POU2F2: variants seen among roughly 807,000 people sequenced by gnomAD.
The protein encoded by POU2F2 is POU class 2 homeobox 2.
Under a neutral mutation model 63.5 loss-of-function variants are expected in POU2F2, and 14 were observed. The observed-to-expected ratio is 0.22, with a 90% CI of 0.15 to 0.34. POU2F2 has a LOEUF of 0.34. POU2F2 is among the 10% of genes least tolerant of loss of function. The pLI is 1.00. For synonymous variants in POU2F2, 306 were observed against 348.6 expected (o/e 0.88, Z 1.36); for missense variants, 607 against 815.2 (o/e 0.74, Z 3.11).
At chr19:42,158,329 G>A (rs545268035) in intron 2 of POU2F2, among the ~76,000 whole-genome samples, 13 of 152,176 alleles carry the variant, frequency 8.5e-5, no homozygotes, top group Non-Finnish European at 1.6e-4. Context: ...GGTGGTCTCC[G>A]AAATCAAATT....
intron 5 of POU2F2, among the ~76,000 whole-genome samples, chr19:42,105,999 T>TTTTCTTTCTTTC (rs56400477): frequency 0.059 from 7,845 of 132,208 alleles, 275 homozygotes; most frequent in East Asian, 0.082. Flanking sequence ...GATCTTTCTT[T>TTTTCTTTCTTTC]TTTCTTTCTT....
chr19:42,133,631 CACACACACGTGT>C (rs1413897476), upstream of POU2F2: 1 of 154,656 alleles, frequency 6.5e-6, no homozygotes, highest in Non-Finnish European at 1.5e-5. The surrounding 1 kb of genome is among the most constrained non-coding windows in gnomAD (Gnocchi z 5.1). Flanking sequence ...GCACTTCACA[CACACACACGTGT>C]GCACACACAC....
chr19:42,152,371 G>C lies in POU2F2; in HGVS notation c.-9+7961C>G, dbSNP rs2034370102. ...CACACATGCCCCCACAGCCTGCCAAGAAGGCCCCAGATGGGCCGAGGACTA... is the reference window on the plus strand; with the variant it reads ...CACACATGCCCCCACAGCCTGCCAACAAGGCCCCAGATGGGCCGAGGACTA... On this transcript the variant is annotated intron_variant, in intron 2 of 6. Transcript: ENST00000524801. This position sits in a 1 kb window ranked among gnomAD's most constrained non-coding sequence, Gnocchi z 4.1. Among the ~76,000 whole-genome samples, 1 of 152,054 alleles carries C rather than the reference G, an allele frequency of 6.6e-6. No individual in the cohort carries two copies. Among genetic ancestry groups the C allele is most frequent in the South Asian group, 2.1e-4 (1 of 4,822 alleles).
chr19:42,187,767 A>C (rs1164636183), intron 1 of POU2F2, among the ~76,000 whole-genome samples: 1 of 151,472 alleles, frequency 6.6e-6, no homozygotes, highest in Non-Finnish European at 1.5e-5. Context: ...ATCACAAAAA[A>C]AAAAAAAAAA....
rs563700180 is a variant in POU2F2, at chr19:42,095,152, C to T, written c.1197+134G>A. On this transcript the variant is annotated intron_variant, in intron 11 of 14. Transcript: ENST00000692977. This position sits in a 1 kb window ranked among gnomAD's most constrained non-coding sequence, Gnocchi z 7.1. ...GTCCCTGTGTAACTGTGCCCATCTA[C>T]GTGATGGCCTGTCTCCAAGAGTGAC... is the stretch of plus-strand genomic sequence containing the variant. 174 of 1,164,152 alleles carry T rather than the reference C, an allele frequency of 1.5e-4. No individual in the cohort carries two copies. The South Asian group carries it at 1.6e-3, about 11-fold the overall frequency. 72.1% of individuals were successfully genotyped at this position (1,164,152 alleles called of 1,614,324 possible).
At chr19:42,099,222 T>G in intron 7 of POU2F2, 2 of 324,364 alleles carry the variant, frequency 6.2e-6, no homozygotes, top group South Asian at 8.5e-5. Flanking sequence ...TTTTGTGTGT[T>G]TTTACACATG....
At chr19:42,108,058 G>C (rs984996897) in intron 5 of POU2F2, among the ~76,000 whole-genome samples, 1 of 152,324 alleles carries the variant, frequency 6.6e-6, no homozygotes, top group African/African-American at 2.4e-5. Flanking sequence ...TCCCTAGAGA[G>C]GCCTTCTCTG....
At chr19:42,138,489 A>G (rs991964361) in intron 2 of POU2F2, among the ~76,000 whole-genome samples, 1 of 152,052 alleles carries the variant, frequency 6.6e-6, no homozygotes, top group Non-Finnish European at 1.5e-5. Context: ...GTTTGTCCTC[A>G]AGTTCCTTTG....
Position 42,096,001 on chromosome 19 carries a change from C to G in POU2F2, c.730-72G>C, listed in dbSNP as rs2076908012. The G allele has an allele frequency of 1.8e-5, 28 of 1,594,706 alleles. No homozygotes were observed. The South Asian group carries it at 2.9e-4, about 17-fold the overall frequency. On this transcript the variant is annotated intron_variant, in intron 8 of 14. Coordinates refer to ENST00000692977, the MANE Select transcript of POU2F2 (RefSeq NM_001394376.1). This position sits in a 1 kb window ranked among gnomAD's most constrained non-coding sequence, Gnocchi z 4.1. ...CCGGCACTGGGCCCGCTCCGCCCGC[C>G]CACTGGCCACGCCCCTCGCGGCATC...
chr19:42,102,563 C>T (rs933777511), intron 5 of POU2F2, among the ~76,000 whole-genome samples: 12 of 151,534 alleles, frequency 7.9e-5, no homozygotes, highest in Non-Finnish European at 1.8e-4. Flanking sequence ...TCAAGACCAG[C>T]CTGGGCAACA....
intron 2 of POU2F2, among the ~76,000 whole-genome samples, chr19:42,147,167 G>C (rs922294897): frequency 1.3e-5 from 2 of 152,092 alleles, no homozygotes; most frequent in Admixed American, 1.3e-4. Flanking sequence ...AACCTATAAA[G>C]TCCTATGTCA....
chr19:42,181,686 A>G (rs960657063), intron 1 of POU2F2, among the ~76,000 whole-genome samples: 9 of 152,092 alleles, frequency 5.9e-5, no homozygotes, highest in African/African-American at 2.2e-4. Context: ...TCCCGGGTTC[A>G]AGCTATTCTC....
Position 42,194,225 on chromosome 19 carries a change from A to C in POU2F2, c.-70+2158T>G, listed in dbSNP as rs553343521. Among the ~76,000 whole-genome samples the C allele has an allele frequency of 2.6e-5, 4 of 151,084 alleles. No individual in the cohort carries two copies. In the East Asian group the frequency reaches 7.8e-4, roughly 29 times the overall value. On this transcript the variant is annotated intron_variant, in intron 1 of 5. Transcript: ENST00000532176. ...TAGTGAGACCCCGTCTCTACAAAAA[A>C]AATAATAATAATAAGCCAGGTGTGG...
chr19:42,173,205 T>C (rs1298830745), intron 1 of POU2F2, among the ~76,000 whole-genome samples: 1 of 152,180 alleles, frequency 6.6e-6, no homozygotes, highest in East Asian at 1.9e-4. Context: ...CACTCTGTCT[T>C]CTAACAACTC....
intron 2 of POU2F2, 42 bp from the exon 3 acceptor site, chr19:42,122,420 C>T: frequency 6.2e-7 from 1 of 1,612,520 alleles, no homozygotes; most frequent in Non-Finnish European, 8.5e-7. Context: ...CAGCCACCCC[C>T]ACCACACCTG....
chr19:42,194,908 G>A (rs1223958381), intron 1 of POU2F2, among the ~76,000 whole-genome samples: 1 of 123,576 alleles, frequency 8.1e-6, no homozygotes, highest in Non-Finnish European at 1.7e-5. Context: ...AGGGAGGGAA[G>A]GAGGAAGGAA....
chr19:42,122,808 C>T (rs926813897), intron 1 of POU2F2, among the ~76,000 whole-genome samples: 4 of 152,236 alleles, frequency 2.6e-5, no homozygotes, highest in African/African-American at 9.6e-5. Context: ...TATCCTTTCA[C>T]CTCTCCAGAA....
At chr19:42,101,831 G>T (rs2077153012) in intron 5 of POU2F2, among the ~76,000 whole-genome samples, 1 of 152,144 alleles carries the variant, frequency 6.6e-6, no homozygotes, top group African/African-American at 2.4e-5. Context: ...CAAAAAATTA[G>T]CTGGGCATGG....
chr19:42,089,710 TTATATATATATATATATATATGTTTA>T lies in POU2F2; in HGVS notation c.*1521_*1546del, dbSNP rs2076654220. ...GAAGAGTCCTCATCTTCTTTCCCTT[TTATATATATATATATATATATGTTTA>T]TATATATATATAAATTTTTTTTCTA... On this transcript the variant is annotated 3_prime_UTR_variant, in exon 15 of 15. Coordinates refer to ENST00000692977, the MANE Select transcript of POU2F2 (RefSeq NM_001394376.1). The T allele has an allele frequency of 4.2e-5, 6 of 143,700 alleles. No homozygotes were observed. In the South Asian group the frequency reaches 1.3e-3, roughly 32 times the overall value. The allele number at this position is 143,700 out of a possible 1,614,324, so 8.9% of individuals were successfully genotyped here.
Sources: allele counts gnomAD v4.1 joint callset (sites outside exome capture counted in the v4.1 genomes callset), GRCh38; gene constraint gnomAD v4.1.1; non-coding constraint Gnocchi (gnomAD v3.1); transcripts MANE v1.5; gene names NCBI Gene and HGNC (gene_info 2026-07-23, HGNC 2026-07-21).